CNTNAP4: variants seen among roughly 807,000 people sequenced by gnomAD.
CNTNAP4 encodes the protein contactin-associated protein-like 4.
Under a neutral mutation model 148.4 loss-of-function variants are expected in CNTNAP4, and 98 were observed. The ratio of observed to expected loss-of-function variants is 0.66; its 90% confidence interval spans 0.56 to 0.78. The LOEUF (loss-of-function observed/expected upper bound fraction) is 0.78. CNTNAP4 is among the 30% of genes least tolerant of loss of function. CNTNAP4 has a pLI of 0.00. For synonymous variants in CNTNAP4, 730 were observed against 565.1 expected (o/e 1.29, Z -4.14); for missense variants, 1,935 against 1,565.6 (o/e 1.24, Z -3.98).
chr16:76,536,290 G>T (rs1027072723), intron 18 of CNTNAP4, among the ~76,000 whole-genome samples: 5 of 152,064 alleles, frequency 3.3e-5, no homozygotes, highest in Admixed American at 1.3e-4. Flanking sequence ...CCACCTCCCA[G>T]GTTCAAGCGA....
chr16:76,456,161 G>T (rs1335967062), intron 8 of CNTNAP4, among the ~76,000 whole-genome samples: 1 of 152,096 alleles, frequency 6.6e-6, no homozygotes, highest in Admixed American at 6.5e-5. Flanking sequence ...AACATATCTG[G>T]AGTTAAACAA....
intron 10 of CNTNAP4, among the ~76,000 whole-genome samples, chr16:76,469,785 T>A (rs1485931295): frequency 1.3e-5 from 2 of 152,200 alleles, no homozygotes; most frequent in African/African-American, 4.8e-5. Flanking sequence ...TGTTTCTTTT[T>A]AAAAGATGCT....
At chr16:76,304,471 A>G (rs373752344) in intron 1 of CNTNAP4, among the ~76,000 whole-genome samples, 1 of 152,108 alleles carries the variant, frequency 6.6e-6, no homozygotes, top group African/African-American at 2.4e-5. Flanking sequence ...GGTGTCAGAG[A>G]AAAGGGGGCA....
intron 11 of CNTNAP4, among the ~76,000 whole-genome samples, chr16:76,479,068 A>G (rs1483996245): frequency 2.6e-5 from 4 of 152,132 alleles, no homozygotes; most frequent in African/African-American, 9.6e-5. Flanking sequence ...GTGTGCCACA[A>G]GATAAGTTAT....
chr16:76,318,890 ATAAAT>A (rs1015436995), intron 2 of CNTNAP4, among the ~76,000 whole-genome samples: 4 of 151,978 alleles, frequency 2.6e-5, no homozygotes, highest in African/African-American at 4.8e-5. Context: ...TCATATGTAA[ATAAAT>A]TAAACCAGCA....
At chr16:76,502,582 T>C (rs1446361791) in intron 15 of CNTNAP4, among the ~76,000 whole-genome samples, 1 of 152,164 alleles carries the variant, frequency 6.6e-6, no homozygotes, top group African/African-American at 2.4e-5. Flanking sequence ...GTTATAAATC[T>C]AAAGATCAGT....
chr16:76,548,295 C>CATTTTTT lies in CNTNAP4; in HGVS notation c.3443-4988_3443-4987insATTTTTT, dbSNP rs759580311. Among the ~76,000 whole-genome samples, 42 of 92,930 alleles carry CATTTTTT rather than the reference C, an allele frequency of 4.5e-4. 11 individuals carry two copies. Among genetic ancestry groups the CATTTTTT allele is most frequent in the Non-Finnish European group, 6.2e-4 (30 of 48,274 alleles). The allele number at this position is 92,930 out of a possible 152,430, so 61.0% of individuals were successfully genotyped here. A position where few individuals can be genotyped will look rare whatever the true frequency, so the allele number is the denominator to read the frequency against. On this transcript the variant is annotated intron_variant, in intron 21 of 23. Coordinates refer to ENST00000611870, the MANE Select transcript of CNTNAP4 (RefSeq NM_033401.5). ...CCCTGGCTCTCTTGATTCACTGCAC[C>CATTTTTT]TTTTTTTTTTTTTTTTTTTTTTTTG...
In CNTNAP4 at chr16:76,284,178, A is replaced by T. The variant is rs1449584940; in HGVS notation, c.85+6431A>T. Among the ~76,000 whole-genome samples, 6 of 151,948 alleles carry T rather than the reference A, an allele frequency of 3.9e-5. 1 individual carries two copies. The highest frequency in any genetic ancestry group is 1.4e-4 in the African/African-American group (6 of 41,408). On this transcript the variant is annotated intron_variant, in intron 1 of 23. Transcript: ENST00000611870. ...TGATAGGGAAGGGTTGACCCATCAC[A>T]GTGTATGTGCTTAAATAGGAGATGT...
intron 21 of CNTNAP4, among the ~76,000 whole-genome samples, chr16:76,545,739 T>C (rs1413631631): frequency 2.0e-5 from 3 of 152,190 alleles, no homozygotes; most frequent in Non-Finnish European, 4.4e-5. Flanking sequence ...ATTACTAACA[T>C]GCCTTAAAAG....
chr16:76,522,647 TTTCTC>T (rs2083512407), intron 17 of CNTNAP4, among the ~76,000 whole-genome samples: 33 of 131,604 alleles, frequency 2.5e-4, no homozygotes, highest in Non-Finnish European at 4.2e-4. Context: ...CTTTCTTTCT[TTTCTC>T]TCTTTCTCTC....
At chr16:76,291,636 C>T (rs572921720) in intron 1 of CNTNAP4, among the ~76,000 whole-genome samples, 20 of 152,310 alleles carry the variant, frequency 1.3e-4, no homozygotes, top group South Asian at 6.2e-4. Context: ...TTTCCCACTT[C>T]GTAATCAGTA....
intron 4 of CNTNAP4, among the ~76,000 whole-genome samples, chr16:76,428,320 A>G (rs1009566782): frequency 9.2e-5 from 14 of 152,266 alleles, no homozygotes; most frequent in African/African-American, 2.2e-4. Context: ...CAATTAGCAG[A>G]CTAACAGTGT....
At chr16:76,558,359 T>C in intron 23 of CNTNAP4, 131 bp from the exon 24 acceptor site, 1 of 542,294 alleles carries the variant, frequency 1.8e-6, no homozygotes, top group Non-Finnish European at 3.2e-6. Context: ...CTGAAGTTTT[T>C]ATATTTCCAA....
chr16:76,409,480 A>C (rs1282687810), intron 3 of CNTNAP4, among the ~76,000 whole-genome samples: 2 of 152,010 alleles, frequency 1.3e-5, no homozygotes. Flanking sequence ...ACTGCGTTGA[A>C]ATAGAAACAA....
chr16:76,410,141 C>G (rs1309284766), intron 3 of CNTNAP4, among the ~76,000 whole-genome samples: 3 of 151,514 alleles, frequency 2.0e-5, no homozygotes, highest in African/African-American at 7.3e-5. Flanking sequence ...GTCTCCAGTA[C>G]AAAAGTTTGG....
At chr16:76,387,528 A>G (rs1197861658) in intron 3 of CNTNAP4, among the ~76,000 whole-genome samples, 1 of 152,206 alleles carries the variant, frequency 6.6e-6, no homozygotes, top group Admixed American at 6.5e-5. Flanking sequence ...TAAATCATGT[A>G]CTAAGTAATA....
chr16:76,290,048 A>G (rs1219278410), intron 1 of CNTNAP4, among the ~76,000 whole-genome samples: 2 of 152,208 alleles, frequency 1.3e-5, no homozygotes, highest in African/African-American at 2.4e-5. Context: ...ATCATTAATA[A>G]TGACAAATAT....
intron 9 of CNTNAP4, among the ~76,000 whole-genome samples, chr16:76,465,190 G>A (rs1437321625): frequency 6.6e-6 from 1 of 152,150 alleles, no homozygotes; most frequent in Non-Finnish European, 1.5e-5. Context: ...TCCAGTAATG[G>A]ATCCATCCAT....
chr16:76,424,809 C>G (rs879258202), intron 3 of CNTNAP4, among the ~76,000 whole-genome samples: 1 of 151,906 alleles, frequency 6.6e-6, no homozygotes, highest in Non-Finnish European at 1.5e-5. Context: ...TACACACACC[C>G]AAAGAGAAAG....
Sources: allele counts gnomAD v4.1 joint callset (sites outside exome capture counted in the v4.1 genomes callset), GRCh38; gene constraint gnomAD v4.1.1; transcripts MANE v1.5; gene names NCBI Gene and HGNC (gene_info 2026-07-23, HGNC 2026-07-21).